Variants in FBXL17 observed in about 807,000 individuals in gnomAD.
The protein encoded by FBXL17 is F-box and leucine rich repeat protein 17.
In FBXL17, 22 loss-of-function variants were observed where a neutral mutation model predicts 66.2. That is an observed-to-expected ratio of 0.33 (90% CI 0.24 to 0.47). The LOEUF is 0.47. Among genes scored for constraint, FBXL17 ranks in the 20% least tolerant of loss-of-function variants. FBXL17 has a pLI of 1.00. For synonymous variants in FBXL17, 474 were observed against 400.5 expected (o/e 1.18, Z -2.19); for missense variants, 878 against 948.2 (o/e 0.93, Z 0.97).
chr5:108,023,457 T>C (rs1439809037), intron 6 of FBXL17, among the ~76,000 whole-genome samples: 1 of 152,126 alleles, frequency 6.6e-6, no homozygotes, highest in Non-Finnish European at 1.5e-5. Flanking sequence ...TTACTACAAA[T>C]TGGTGGAAAT....
At chr5:108,198,782 G>A (rs540046369) in intron 5 of FBXL17, among the ~76,000 whole-genome samples, 3 of 152,132 alleles carry the variant, frequency 2.0e-5, no homozygotes, top group Admixed American at 6.6e-5. Flanking sequence ...TATACTCAAT[G>A]TTATAAGCTG....
chr5:107,997,999 GAC>G (rs1195476723), intron 7 of FBXL17, among the ~76,000 whole-genome samples: 1 of 152,146 alleles, frequency 6.6e-6, no homozygotes, highest in East Asian at 1.9e-4. Flanking sequence ...ACTGTCCAAA[GAC>G]ACACATGGCT....
At chr5:108,128,149 A>G (rs1750792965) in intron 6 of FBXL17, among the ~76,000 whole-genome samples, 1 of 152,016 alleles carries the variant, frequency 6.6e-6, no homozygotes, top group Non-Finnish European at 1.5e-5. Context: ...GGGAGGATGA[A>G]GCACAAGAAT....
intron 7 of FBXL17, among the ~76,000 whole-genome samples, chr5:107,969,109 T>G (rs1270556412): frequency 6.6e-6 from 1 of 152,148 alleles, no homozygotes; most frequent in Non-Finnish European, 1.5e-5. Context: ...GCCTTCCCAG[T>G]GCAATGACAC....
At chr5:108,350,044 T>A (rs1024171639) in intron 3 of FBXL17, among the ~76,000 whole-genome samples, 1 of 152,220 alleles carries the variant, frequency 6.6e-6, no homozygotes, top group African/African-American at 2.4e-5. Flanking sequence ...CTATCAGATT[T>A]TTATTGAATT....
At chr5:107,959,407 CACACACA>C (rs1433033119) in intron 7 of FBXL17, among the ~76,000 whole-genome samples, 1 of 151,784 alleles carries the variant, frequency 6.6e-6, no homozygotes, top group Non-Finnish European at 1.5e-5. Context: ...CACACACACA[CACACACA>C]CACAGGCAAC....
intron 7 of FBXL17, among the ~76,000 whole-genome samples, chr5:108,005,955 C>T (rs979646945): frequency 2.6e-5 from 4 of 152,176 alleles, no homozygotes; most frequent in Non-Finnish European, 5.9e-5. Flanking sequence ...GCTGGGTGAA[C>T]CGTGACGTGG....
At chr5:108,105,088 G>A (rs986326826) in intron 6 of FBXL17, among the ~76,000 whole-genome samples, 6 of 152,162 alleles carry the variant, frequency 3.9e-5, no homozygotes, top group East Asian at 1.9e-4. Flanking sequence ...TGATCCGCCC[G>A]CCTCGGCCTC....
At chr5:107,883,585 C>G (rs1467913152) in intron 7 of FBXL17, among the ~76,000 whole-genome samples, 1 of 152,114 alleles carries the variant, frequency 6.6e-6, no homozygotes. Flanking sequence ...GATCTCAGGT[C>G]AAAGGTCAAC....
intron 4 of FBXL17, among the ~76,000 whole-genome samples, chr5:108,253,969 G>A (rs1398105268): frequency 1.3e-5 from 2 of 151,912 alleles, no homozygotes; most frequent in Non-Finnish European, 2.9e-5. Flanking sequence ...GCAAGACCCT[G>A]TCTCAAAAAA....
intron 4 of FBXL17, among the ~76,000 whole-genome samples, chr5:108,319,811 A>G (rs1199984257): frequency 1.3e-5 from 2 of 151,886 alleles, no homozygotes; most frequent in Non-Finnish European, 2.9e-5. Context: ...TACCTCTATA[A>G]TTCAGGCTAG....
At chr5:108,131,693 AT>A (rs897981297) in intron 6 of FBXL17, among the ~76,000 whole-genome samples, 2 of 152,272 alleles carry the variant, frequency 1.3e-5, no homozygotes, top group South Asian at 2.1e-4. Flanking sequence ...TAAGAAAAAA[AT>A]AATTATTATA....
intron 6 of FBXL17, among the ~76,000 whole-genome samples, chr5:108,124,807 A>G (rs1453574908): frequency 6.6e-6 from 1 of 152,060 alleles, no homozygotes; most frequent in Non-Finnish European, 1.5e-5. Flanking sequence ...ATCAATTATA[A>G]CTTACGCAGC....
At chr5:107,967,866 G>A (rs904263863) in intron 7 of FBXL17, among the ~76,000 whole-genome samples, 1 of 151,878 alleles carries the variant, frequency 6.6e-6, no homozygotes, top group Non-Finnish European at 1.5e-5. Flanking sequence ...TGTATCATGT[G>A]GTCACCTACT....
At chr5:108,034,887 C>T (rs1315866076) in intron 6 of FBXL17, among the ~76,000 whole-genome samples, 2 of 152,098 alleles carry the variant, frequency 1.3e-5, no homozygotes, top group African/African-American at 4.8e-5. Context: ...TTACTATCAA[C>T]CTCAAGGTTT....
At chr5:108,096,482 C>A (rs1365053896) in intron 6 of FBXL17, among the ~76,000 whole-genome samples, 2 of 152,056 alleles carry the variant, frequency 1.3e-5, no homozygotes, top group Non-Finnish European at 2.9e-5. Flanking sequence ...TGCTTAGTTA[C>A]CCTGGAGTAA....
intron 4 of FBXL17, among the ~76,000 whole-genome samples, chr5:108,275,820 G>T (rs1477587324): frequency 6.6e-6 from 1 of 152,148 alleles, no homozygotes; most frequent in African/African-American, 2.4e-5. Context: ...CCTCAGCTGT[G>T]CTTAATGAAC....
At chr5:107,874,790 C>A (rs1203496942) in intron 8 of FBXL17, among the ~76,000 whole-genome samples, 1 of 152,160 alleles carries the variant, frequency 6.6e-6, no homozygotes, top group Non-Finnish European at 1.5e-5. Context: ...TGTGTTTTTC[C>A]CTGTTTCAAT....
chr5:108,270,604 A>G (rs1416268698), intron 4 of FBXL17, among the ~76,000 whole-genome samples: 1 of 151,214 alleles, frequency 6.6e-6, no homozygotes, highest in African/African-American at 2.4e-5. Flanking sequence ...TCCATTAGCC[A>G]TAAACTTTGA....
Sources: allele counts gnomAD v4.1 joint callset (sites outside exome capture counted in the v4.1 genomes callset), GRCh38; gene constraint gnomAD v4.1.1; transcripts MANE v1.5; gene names NCBI Gene and HGNC (gene_info 2026-07-23, HGNC 2026-07-21).